LMX1B: variants seen among roughly 807,000 people sequenced by gnomAD.
LMX1B encodes LIM homeobox transcription factor 1 beta, also known as LIM homeobox transcription factor 1-beta.
In LMX1B, 12 loss-of-function variants were observed where a neutral mutation model predicts 51.4. That is an observed-to-expected ratio of 0.23 (90% CI 0.15 to 0.38). LMX1B has a LOEUF of 0.38. LMX1B is among the 10% of genes least tolerant of loss of function. The pLI, the probability that LMX1B is intolerant of heterozygous loss-of-function variation, is 1.00. For synonymous variants in LMX1B, 237 were observed against 235.4 expected (o/e 1.01, Z -0.06); for missense variants, 445 against 571.1 (o/e 0.78, Z 2.25).
At chr9:126,691,298 A>G (rs1285641512) in intron 3 of LMX1B, among the ~76,000 whole-genome samples, 3 of 152,156 alleles carry the variant, frequency 2.0e-5, no homozygotes, top group African/African-American at 4.8e-5. Flanking sequence ...GCATCCATAC[A>G]TATAAACATA....
chr9:126,633,052 G>GCC (rs1163534526), intron 2 of LMX1B, among the ~76,000 whole-genome samples: 3 of 152,200 alleles, frequency 2.0e-5, no homozygotes, highest in Non-Finnish European at 4.4e-5. Flanking sequence ...GGTTGCCCAG[G>GCC]AGGCGTCCCC....
chr9:126,640,671 T>C (rs1190718561), intron 2 of LMX1B: 1 of 152,348 alleles, frequency 6.6e-6, no homozygotes, highest in Admixed American at 6.5e-5. Context: ...ATGGCCAGGA[T>C]AGGCCAGGGC....
At chr9:126,614,710 G>T in intron 1 of LMX1B, 122 bp downstream of exon 1, 1 of 1,116,482 alleles carries the variant, frequency 9.0e-7, no homozygotes, top group Admixed American at 3.1e-5. Context: ...TGGGGAGGAG[G>T]CAGAGACAGG....
intron 2 of LMX1B, among the ~76,000 whole-genome samples, chr9:126,624,604 C>G (rs953464193): frequency 1.3e-5 from 2 of 152,162 alleles, no homozygotes; most frequent in Non-Finnish European, 2.9e-5. Context: ...AGGGCCGACC[C>G]CAGCCCCCTC....
intron 2 of LMX1B, among the ~76,000 whole-genome samples, chr9:126,668,443 TTTA>T (rs61392859): frequency 5.4e-5 from 8 of 146,928 alleles, no homozygotes; most frequent in Admixed American, 2.0e-4. Context: ...AGAAGCAGGA[TTTA>T]TTATTATTAT....
At chr9:126,630,922 C>T (rs1405831425) in intron 2 of LMX1B, among the ~76,000 whole-genome samples, 3 of 152,250 alleles carry the variant, frequency 2.0e-5, no homozygotes, top group Admixed American at 6.5e-5. Context: ...TCAGGGCAGG[C>T]GTTGTCTGGC....
chr9:126,664,409 G>A (rs547427184), intron 2 of LMX1B, among the ~76,000 whole-genome samples: 1 of 152,122 alleles, frequency 6.6e-6, no homozygotes, highest in Admixed American at 6.5e-5. Flanking sequence ...CCCCAGGGAT[G>A]GGGGGGAGGC....
chr9:126,675,465 G>A (rs1055962569), intron 2 of LMX1B, among the ~76,000 whole-genome samples: 4 of 152,288 alleles, frequency 2.6e-5, no homozygotes, highest in African/African-American at 7.2e-5. Flanking sequence ...GGTGGCTCAC[G>A]CCTGTAATCC....
At position 126,677,661 on chromosome 9, in the gene LMX1B, C is replaced by T. The variant is rs1836590066; in HGVS notation, c.327-13175C>T. Among the ~76,000 whole-genome samples, 1 of 152,164 alleles carries T rather than the reference C, an allele frequency of 6.6e-6. No individual in the cohort carries two copies. On this transcript the variant is annotated intron_variant, in intron 2 of 7. Transcript: ENST00000373474. The surrounding 1 kb of genome is among the most constrained non-coding windows in gnomAD (Gnocchi z 5.0). Reference sequence around the variant, plus strand: ...GTGGTCATGAGGCATCAGTGAGGCCCCTGAGTGTGAAGCTCTGAGCACAGG... The same window carrying T: ...GTGGTCATGAGGCATCAGTGAGGCCTCTGAGTGTGAAGCTCTGAGCACAGG...
At chr9:126,652,296 A>AGC (rs1554724845) in intron 2 of LMX1B, among the ~76,000 whole-genome samples, 7 of 120,362 alleles carry the variant, frequency 5.8e-5, no homozygotes, top group Admixed American at 3.2e-4. Flanking sequence ...GAGGAGGAGA[A>AGC]GGGGGGGGGG....
At chr9:126,623,207 C>T (rs1207416661) in intron 2 of LMX1B, among the ~76,000 whole-genome samples, 1 of 152,116 alleles carries the variant, frequency 6.6e-6, no homozygotes, top group Non-Finnish European at 1.5e-5. Context: ...TTTTTTTTCC[C>T]TTGAAAAGGG....
intron 2 of LMX1B, among the ~76,000 whole-genome samples, chr9:126,637,943 C>A (rs62578134): frequency 0.17 from 26,053 of 151,508 alleles, 3,104 homozygotes; most frequent in East Asian, 0.42. Flanking sequence ...ACACCCAGGG[C>A]CCCCTCCGAC....
At position 126,626,780 on chromosome 9, in the gene LMX1B, A is replaced by AC. The variant is rs1327453796; in HGVS notation, c.326+11216dup. 6.6e-6 allele frequency among the ~76,000 whole-genome samples: 1 copy of AC among 151,978 alleles called. No individual in the cohort carries two copies. Among genetic ancestry groups the AC allele is most frequent in the African/African-American group, 2.4e-5 (1 of 41,382 alleles). On this transcript the variant is annotated intron_variant, in intron 2 of 7. Coordinates refer to ENST00000373474, the MANE Select transcript of LMX1B (RefSeq NM_001174147.2). The surrounding 1 kb of genome is among the most constrained non-coding windows in gnomAD (Gnocchi z 4.3). Reference sequence around the variant, plus strand: ...GATTAGGTTTCAGCGCCTCCGCCCCACCCCCAGCCCCGCGGCGGTGATTTG... The same window carrying AC: ...GATTAGGTTTCAGCGCCTCCGCCCCACCCCCCAGCCCCGCGGCGGTGATTTG...
chr9:126,682,083 CT>C lies in LMX1B; in HGVS notation c.327-8728del, dbSNP rs71377953. On this transcript the variant is annotated intron_variant, in intron 2 of 7. Coordinates refer to ENST00000373474, the MANE Select transcript of LMX1B (RefSeq NM_001174147.2). ...CTTGCAGATACTTGGTCCCCAGGGTCTTTTTTTTTTTTTTTTTTTTTTTTTA... is the reference window on the plus strand; with the variant it reads ...CTTGCAGATACTTGGTCCCCAGGGTCTTTTTTTTTTTTTTTTTTTTTTTTA... 3.8e-3 allele frequency among the ~76,000 whole-genome samples: 203 copies of C among 53,384 alleles called. 1 individual carries two copies. The highest frequency in any genetic ancestry group is 6.2e-3 in the Admixed American group (22 of 3,522). 35.0% of individuals were successfully genotyped at this position (53,384 alleles called of 152,430 possible). A position where few individuals can be genotyped will look rare whatever the true frequency, so the allele number is the denominator to read the frequency against.
chr9:126,676,048 C>CAA (rs34471786), intron 2 of LMX1B, among the ~76,000 whole-genome samples: 17 of 82,472 alleles, frequency 2.1e-4, no homozygotes, highest in Admixed American at 3.9e-4. Context: ...GACTCCGTCT[C>CAA]AAAAAAAAAA....
intron 2 of LMX1B, among the ~76,000 whole-genome samples, chr9:126,675,910 G>A (rs1199695809): frequency 1.3e-5 from 2 of 149,802 alleles, no homozygotes; most frequent in African/African-American, 4.9e-5. Flanking sequence ...TTAGCCGGGC[G>A]TGGTAGCGGG....
intron 2 of LMX1B, among the ~76,000 whole-genome samples, chr9:126,633,151 G>A (rs1011337927): frequency 1.3e-5 from 2 of 152,150 alleles, no homozygotes; most frequent in African/African-American, 4.8e-5. Flanking sequence ...AGTCTCTCTG[G>A]CTCTGAGCCC....
intron 2 of LMX1B, among the ~76,000 whole-genome samples, chr9:126,659,885 G>A (rs1486912469): frequency 6.6e-6 from 1 of 151,856 alleles, no homozygotes. Flanking sequence ...GTCCTATCTG[G>A]GGTGCCTACA....
chr9:126,630,046 C>T (rs1274789190), intron 2 of LMX1B, among the ~76,000 whole-genome samples: 1 of 151,424 alleles, frequency 6.6e-6, no homozygotes, highest in Non-Finnish European at 1.5e-5. Context: ...GAGTAGCTCC[C>T]AGCTACTCGG....
Sources: gnomAD v4.1 joint callset for allele counts (sites outside exome capture counted in the v4.1 genomes callset) on GRCh38, gnomAD v4.1.1 for gene constraint, Gnocchi (gnomAD v3.1) non-coding constraint, MANE v1.5 for transcripts, NCBI Gene and HGNC (gene_info 2026-07-23, HGNC 2026-07-21) for gene names.